Variants in NIN observed in about 807,000 individuals in gnomAD.
NIN encodes glycogen synthase kinase 3 beta-interacting protein.
NIN carries 137 observed loss-of-function variants against 257.6 expected under a neutral mutation model. That is an observed-to-expected ratio of 0.53 (90% CI 0.46 to 0.61). The LOEUF (loss-of-function observed/expected upper bound fraction) is 0.61. Among genes scored for constraint, NIN ranks in the 20% least tolerant of loss-of-function variants. The pLI is 0.00. For synonymous variants in NIN, 918 were observed against 919.8 expected (o/e 1.00, Z 0.04); for missense variants, 2,439 against 2,501.2 (o/e 0.98, Z 0.53).
At chr14:50,802,138 A>ATC (rs2044129605) in intron 4 of NIN, among the ~76,000 whole-genome samples, 2 of 152,234 alleles carry the variant, frequency 1.3e-5, no homozygotes, top group African/African-American at 2.4e-5. Context: ...TTCCAGAAAA[A>ATC]TAATTTAAAA....
At chr14:50,786,494 A>AT (rs2043354940) in intron 5 of NIN, among the ~76,000 whole-genome samples, 1 of 152,250 alleles carries the variant, frequency 6.6e-6, no homozygotes, top group South Asian at 2.1e-4. Context: ...AAAAAGAGAC[A>AT]TTTTATAAGC....
At chr14:50,815,693 T>C (rs953264860) in intron 3 of NIN, among the ~76,000 whole-genome samples, 5 of 152,174 alleles carry the variant, frequency 3.3e-5, no homozygotes, top group South Asian at 2.1e-4. Flanking sequence ...ATATATACCA[T>C]GGAATACTAT....
chr14:50,776,808 G>C, intron 7 of NIN, 141 bp downstream of exon 7: 2 of 734,028 alleles, frequency 2.7e-6, no homozygotes, highest in Non-Finnish European at 2.2e-6. Flanking sequence ...CTCAGTGACA[G>C]AATCTTCATG....
rs114949403 is a variant in NIN, at chr14:50,762,712, G to A, written c.1775-801C>T. On this transcript the variant is annotated intron_variant, in intron 15 of 30. Coordinates refer to ENST00000530997, the MANE Select transcript of NIN (RefSeq NM_020921.4). ...GGCTGAGCTTGTACACAGAAGAAAAGATTATGACTAATCTCTTAAGGCAGT... is the reference window on the plus strand; with the variant it reads ...GGCTGAGCTTGTACACAGAAGAAAAAATTATGACTAATCTCTTAAGGCAGT... 7.5e-3 allele frequency among the ~76,000 whole-genome samples: 1,148 copies of A among 152,302 alleles called. 12 individuals carry two copies. Among genetic ancestry groups the A allele is most frequent in the African/African-American group, 0.026 (1,082 of 41,560 alleles).
chr14:50,811,035 G>C (rs1042049169), intron 3 of NIN, among the ~76,000 whole-genome samples: 3 of 151,864 alleles, frequency 2.0e-5, no homozygotes, highest in African/African-American at 4.8e-5. Flanking sequence ...AATAGGCCGG[G>C]GTTGTCTGGT....
chr14:50,799,468 C>T (rs1231864573), intron 4 of NIN, among the ~76,000 whole-genome samples: 1 of 152,184 alleles, frequency 6.6e-6, no homozygotes, highest in African/African-American at 2.4e-5. Flanking sequence ...GTTCCTCAAC[C>T]TCAATTTTTG....
intron 25 of NIN, among the ~76,000 whole-genome samples, chr14:50,740,332 G>A (rs1253284559): frequency 1.4e-5 from 2 of 147,648 alleles, no homozygotes; most frequent in East Asian, 2.0e-4. Flanking sequence ...GATTATGGGC[G>A]CATGTACTAC....
At position 50,754,547 on chromosome 14, in the gene NIN, TTAAG is replaced by T. The variant is rs761454372; in HGVS notation, c.4734+12_4734+15del. 8 of 1,577,558 alleles carry T rather than the reference TTAAG, an allele frequency of 5.1e-6. No homozygotes were observed. Among genetic ancestry groups the T allele is most frequent in the African/African-American group, 1.4e-5 (1 of 73,236 alleles). ...TGGAATCAAAAAACATTGAGAAATA[TTAAG>T]TATTTCCTTACCTGTTTCTTTAAAT... On this transcript the variant is annotated intron_variant, in intron 20 of 30. Coordinates refer to ENST00000530997, the MANE Select transcript of NIN (RefSeq NM_020921.4).
intron 5 of NIN, among the ~76,000 whole-genome samples, chr14:50,783,864 A>G (rs1763398468): frequency 6.6e-6 from 1 of 152,208 alleles, no homozygotes. Context: ...TGACTTACCC[A>G]GCACAGTGGA....
intron 5 of NIN, among the ~76,000 whole-genome samples, chr14:50,788,716 G>A: frequency 6.6e-6 from 1 of 152,130 alleles, no homozygotes; most frequent in East Asian, 1.9e-4. Flanking sequence ...ATCCCTATAG[G>A]ATGAGTTCCT....
chr14:50,769,040 CAGTT>C (rs145780205), intron 12 of NIN, among the ~76,000 whole-genome samples: 6,547 of 152,306 alleles, frequency 0.043, 139 homozygotes, highest in Non-Finnish European at 0.053. Context: ...CGAAATGAAA[CAGTT>C]AGATGGCTAG....
At chr14:50,815,356 G>A (rs1341484039) in intron 3 of NIN, among the ~76,000 whole-genome samples, 2 of 152,202 alleles carry the variant, frequency 1.3e-5, no homozygotes, top group African/African-American at 4.8e-5. Context: ...CCTCATGCCA[G>A]TCAGAATGGC....
intron 21 of NIN, among the ~76,000 whole-genome samples, chr14:50,751,175 C>T (rs35313842): frequency 0.26 from 39,127 of 152,122 alleles, 5,249 homozygotes; most frequent in South Asian, 0.34. Flanking sequence ...CTCTCCTACA[C>T]ATCAGCATCT....
chr14:50,823,856 G>C (rs944528295), intron 2 of NIN, among the ~76,000 whole-genome samples: 2 of 152,196 alleles, frequency 1.3e-5, no homozygotes, highest in African/African-American at 4.8e-5. Flanking sequence ...AGTTGAGAGT[G>C]TTATATAAAC....
chr14:50,760,437 CTTTT>C (rs35995624), intron 16 of NIN, 78 bp from the exon 17 acceptor site: 12,337 of 414,196 alleles, frequency 0.03, no homozygotes, highest in Middle Eastern at 0.045. Flanking sequence ...GCAGCAATTG[CTTTT>C]TTTTTTTTTT....
In NIN at chr14:50,768,254, G is replaced by A. The variant is rs867800910; in HGVS notation, c.1435-1364C>T. ...ACAGCAATATAAGTAAAAAAAAAATGTACTTAGAGCATTTAAAAAATACTA... is the reference window on the plus strand; with the variant it reads ...ACAGCAATATAAGTAAAAAAAAAATATACTTAGAGCATTTAAAAAATACTA... On this transcript the variant is annotated intron_variant, in intron 12 of 30. Coordinates refer to ENST00000530997, the MANE Select transcript of NIN (RefSeq NM_020921.4). Among the ~76,000 whole-genome samples, 8 of 151,892 alleles carry A rather than the reference G, an allele frequency of 5.3e-5. No individual in the cohort carries two copies. The South Asian group carries it at 1.7e-3, about 32-fold the overall frequency.
chr14:50,763,168 C>T (rs1279510292), intron 15 of NIN, among the ~76,000 whole-genome samples: 1 of 152,036 alleles, frequency 6.6e-6, no homozygotes, highest in African/African-American at 2.4e-5. Context: ...TTATTTATAA[C>T]AGAATAACTG....
chr14:50,744,974 T>TA (rs2041471600), intron 22 of NIN, among the ~76,000 whole-genome samples: 1 of 152,094 alleles, frequency 6.6e-6, no homozygotes, highest in South Asian at 2.1e-4. Context: ...CACATACAAG[T>TA]AACAACCCAA....
intron 20 of NIN, among the ~76,000 whole-genome samples, chr14:50,754,355 T>C (rs1387351482): frequency 6.6e-6 from 1 of 152,194 alleles, no homozygotes; most frequent in Non-Finnish European, 1.5e-5. Context: ...ACTTAGGGCC[T>C]AGAATAATAT....
Sources: allele counts gnomAD v4.1 joint callset (sites outside exome capture counted in the v4.1 genomes callset), GRCh38; gene constraint gnomAD v4.1.1; transcripts MANE v1.5; gene names NCBI Gene and HGNC (gene_info 2026-07-23, HGNC 2026-07-21).